NMNAT2: variants seen among roughly 807,000 people sequenced by gnomAD.
NMNAT2 encodes nicotinamide nucleotide adenylyltransferase 2, also known as nicotinamide/nicotinic acid mononucleotide adenylyltransferase 2.
A neutral mutation model predicts 41.6 loss-of-function variants in NMNAT2; 11 were observed. The observed-to-expected ratio is 0.26, with a 90% confidence interval of 0.17 to 0.44. The LOEUF is 0.44. NMNAT2 is among the 20% of genes least tolerant of loss of function. The pLI is 1.00. For missense variants in NMNAT2, 288 were observed against 407.7 expected (o/e 0.71, Z 2.53); for synonymous variants, 148 against 151.2 (o/e 0.98, Z 0.16).
intron 1 of NMNAT2, among the ~76,000 whole-genome samples, chr1:183,334,917 G>A (rs558650654): frequency 6.6e-6 from 1 of 152,284 alleles, no homozygotes; most frequent in African/African-American, 2.4e-5. Flanking sequence ...CTGACTTCCT[G>A]TCTGTTCTGG....
At chr1:183,318,877 T>C (rs915924832) in intron 1 of NMNAT2, among the ~76,000 whole-genome samples, 3 of 152,252 alleles carry the variant, frequency 2.0e-5, no homozygotes, top group African/African-American at 4.8e-5. Flanking sequence ...ATCATTATTT[T>C]GTTGTTATTA....
intron 1 of NMNAT2, among the ~76,000 whole-genome samples, chr1:183,367,542 A>G (rs562791835): frequency 6.6e-6 from 1 of 152,356 alleles, no homozygotes; most frequent in East Asian, 1.9e-4. Context: ...TTTAGGTCAG[A>G]CATAACTATT....
At chr1:183,311,722 T>TACACACACAC (rs61005402) in intron 1 of NMNAT2, among the ~76,000 whole-genome samples, 1 of 144,206 alleles carries the variant, frequency 6.9e-6, no homozygotes, top group Non-Finnish European at 1.5e-5. Flanking sequence ...GTCCAGTCCC[T>TACACACACAC]ACACACACAC....
chr1:183,335,913 A>C (rs1662670985), intron 1 of NMNAT2, among the ~76,000 whole-genome samples: 2 of 152,244 alleles, frequency 1.3e-5, no homozygotes, highest in South Asian at 4.1e-4. Flanking sequence ...CTTTGGGCAC[A>C]GGATGATCTC....
At chr1:183,376,742 G>A (rs1426545606) in intron 1 of NMNAT2, among the ~76,000 whole-genome samples, 1 of 152,192 alleles carries the variant, frequency 6.6e-6, no homozygotes, top group East Asian at 1.9e-4. Context: ...CTGTGTGGTA[G>A]GTAGAATGAA....
chr1:183,330,683 T>A (rs1662563887), intron 1 of NMNAT2, among the ~76,000 whole-genome samples: 1 of 152,226 alleles, frequency 6.6e-6, no homozygotes, highest in Non-Finnish European at 1.5e-5. Flanking sequence ...TTAAGCACAG[T>A]GCTGGGGCAC....
Position 183,356,598 on chromosome 1 carries a change from G to T in NMNAT2, c.85+61585C>A, listed in dbSNP as rs547950229. 2.0e-5 allele frequency among the ~76,000 whole-genome samples: 3 copies of T among 152,316 alleles called. No individual in the cohort carries two copies. In the South Asian group the frequency reaches 6.2e-4, roughly 32 times the overall value. On this transcript the variant is annotated intron_variant, in intron 1 of 10. Coordinates refer to ENST00000287713, the MANE Select transcript of NMNAT2 (RefSeq NM_015039.4). Reference sequence around the variant, plus strand: ...CTTCCATTAGAACACGGACCCCTGTGGATCCTAGTAACGTCATGCCAGGGA... The same window carrying T: ...CTTCCATTAGAACACGGACCCCTGTTGATCCTAGTAACGTCATGCCAGGGA...
At chr1:183,382,497 C>A (rs1219766945) in intron 1 of NMNAT2, among the ~76,000 whole-genome samples, 1 of 152,176 alleles carries the variant, frequency 6.6e-6, no homozygotes, top group East Asian at 1.9e-4. Context: ...AGTCCACATT[C>A]CAAAGTCTCA....
intron 1 of NMNAT2, among the ~76,000 whole-genome samples, chr1:183,371,952 T>A (rs1023819104): frequency 3.9e-5 from 6 of 152,044 alleles, no homozygotes; most frequent in Middle Eastern, 3.2e-3. Flanking sequence ...GCTAATTTTT[T>A]CAATTTTTTG....
At chr1:183,339,947 C>A (rs1010249556) in intron 1 of NMNAT2, among the ~76,000 whole-genome samples, 3 of 152,176 alleles carry the variant, frequency 2.0e-5, no homozygotes, top group African/African-American at 7.2e-5. Context: ...CAATCAAGAT[C>A]CTGAAAACAA....
chr1:183,411,463 C>T (rs1649114231), intron 1 of NMNAT2, among the ~76,000 whole-genome samples: 1 of 152,168 alleles, frequency 6.6e-6, no homozygotes, highest in Admixed American at 6.5e-5. Context: ...ACCACCAGGC[C>T]TGGCAAATTT....
chr1:183,292,952 C>G, intron 2 of NMNAT2, 95 bp from the exon 3 acceptor site: 1 of 1,166,576 alleles, frequency 8.6e-7, no homozygotes, highest in Non-Finnish European at 1.3e-6. Flanking sequence ...TAAAGTGCAG[C>G]CATTTTTCAG....
chr1:183,279,362 T>C (rs1319688987), intron 7 of NMNAT2, among the ~76,000 whole-genome samples: 1 of 152,212 alleles, frequency 6.6e-6, no homozygotes, highest in African/African-American at 2.4e-5. Flanking sequence ...GGAACAACAT[T>C]CTGAGAATAC....
At position 183,274,815 on chromosome 1, in the gene NMNAT2, G is replaced by A. The variant is rs997827742; in HGVS notation, c.651+3738C>T. Among the ~76,000 whole-genome samples the A allele has an allele frequency of 6.6e-5, 10 of 151,932 alleles. No individual in the cohort carries two copies. In the East Asian group the frequency reaches 1.8e-3, roughly 27 times the overall value. Reference sequence around the variant, plus strand: ...GACATTTCATTAGATGTCCTGAAGCGGGGAGAGAAAATAGGGAAGATGACT... The same window carrying A: ...GACATTTCATTAGATGTCCTGAAGCAGGGAGAGAAAATAGGGAAGATGACT... On this transcript the variant is annotated intron_variant, in intron 8 of 10. Coordinates refer to ENST00000287713, the MANE Select transcript of NMNAT2 (RefSeq NM_015039.4).
chr1:183,257,516 T>C (rs4652788), intron 10 of NMNAT2, among the ~76,000 whole-genome samples: 11,408 of 152,214 alleles, frequency 0.075, 955 homozygotes, highest in African/African-American at 0.2. Context: ...GGTCCTGGGC[T>C]TTTCTTTGTT....
intron 1 of NMNAT2, among the ~76,000 whole-genome samples, chr1:183,299,997 G>A (rs1435634276): frequency 6.6e-6 from 1 of 152,128 alleles, no homozygotes; most frequent in Non-Finnish European, 1.5e-5. Context: ...AAGAGATGGG[G>A]CCTTTGGGAG....
intron 8 of NMNAT2, among the ~76,000 whole-genome samples, chr1:183,268,352 T>C (rs1227845849): frequency 6.6e-6 from 1 of 152,308 alleles, no homozygotes; most frequent in East Asian, 1.9e-4. Flanking sequence ...ACACTAGGCA[T>C]GCAGGGTTGA....
intron 1 of NMNAT2, among the ~76,000 whole-genome samples, chr1:183,357,607 T>C (rs1222596008): frequency 1.3e-5 from 2 of 152,218 alleles, no homozygotes; most frequent in African/African-American, 4.8e-5. Flanking sequence ...TGGACTAATT[T>C]ACACTCCTAT....
intron 8 of NMNAT2, 131 bp downstream of exon 8, chr1:183,278,422 T>C: frequency 1.6e-6 from 1 of 622,418 alleles, no homozygotes; most frequent in South Asian, 1.9e-5. Context: ...GAGAATTTTC[T>C]ACCATAGTGA....
Sources: allele counts gnomAD v4.1 joint callset (sites outside exome capture counted in the v4.1 genomes callset), GRCh38; gene constraint gnomAD v4.1.1; transcripts MANE v1.5; gene names NCBI Gene and HGNC (gene_info 2026-07-23, HGNC 2026-07-21).